The following CNTNAP2 variants were observed in gnomAD, a reference collection of about 807,000 sequenced individuals.
The protein encoded by CNTNAP2 is contactin-associated protein-like 2.
CNTNAP2 carries 98 observed loss-of-function variants against 155.2 expected under a neutral mutation model. That is an observed-to-expected ratio of 0.63 (90% CI 0.54 to 0.75). CNTNAP2 has a LOEUF of 0.75. CNTNAP2 is among the 30% of genes least tolerant of loss of function. The pLI is 0.00. For synonymous variants in CNTNAP2, 651 were observed against 631.2 expected, an observed-to-expected ratio of 1.03 and a Z score of -0.47; for missense variants, 1,727 against 1,688.1, an observed-to-expected ratio of 1.02 and a Z score of -0.40.
intron 15 of CNTNAP2, among the ~76,000 whole-genome samples, chr7:148,089,402 A>T (rs1474395404): frequency 6.6e-6 from 1 of 152,030 alleles, no homozygotes; most frequent in African/African-American, 2.4e-5. Context: ...TATGTAGTAA[A>T]TCATAAAGAC....
At chr7:148,202,196 C>G (rs771493016) in intron 18 of CNTNAP2, among the ~76,000 whole-genome samples, 1 of 152,128 alleles carries the variant, frequency 6.6e-6, no homozygotes, top group Non-Finnish European at 1.5e-5. Flanking sequence ...TTACAGTTCC[C>G]CTTGTGACAA....
chr7:146,216,880 G>A (rs570862047), intron 1 of CNTNAP2, among the ~76,000 whole-genome samples: 7 of 152,216 alleles, frequency 4.6e-5, no homozygotes, highest in Admixed American at 3.9e-4. Flanking sequence ...AAATTTGGTC[G>A]GTGATGAGTC....
At chr7:146,751,682 A>G (rs1801906104) in intron 1 of CNTNAP2, among the ~76,000 whole-genome samples, 3 of 152,078 alleles carry the variant, frequency 2.0e-5, no homozygotes. Context: ...ACAGTTATAC[A>G]TGTGCCATGG....
At chr7:147,551,473 A>G (rs1201468112) in intron 11 of CNTNAP2, among the ~76,000 whole-genome samples, 1 of 152,180 alleles carries the variant, frequency 6.6e-6, no homozygotes, top group Non-Finnish European at 1.5e-5. Context: ...TCATTATTTG[A>G]TTCTGATTCT....
chr7:147,286,233 A>C (rs1805171310), intron 8 of CNTNAP2, among the ~76,000 whole-genome samples: 1 of 152,080 alleles, frequency 6.6e-6, no homozygotes, highest in African/African-American at 2.4e-5. Flanking sequence ...TATTACATTT[A>C]TCTGAAACAT....
At chr7:146,484,146 T>A (rs1264956066) in intron 1 of CNTNAP2, among the ~76,000 whole-genome samples, 1 of 152,252 alleles carries the variant, frequency 6.6e-6, no homozygotes, top group Non-Finnish European at 1.5e-5. Flanking sequence ...AGTAACATGC[T>A]GTACAAGTTT....
At chr7:147,245,450 G>A (rs1346547778) in intron 8 of CNTNAP2, among the ~76,000 whole-genome samples, 2 of 151,906 alleles carry the variant, frequency 1.3e-5, no homozygotes, top group East Asian at 1.9e-4. Flanking sequence ...GTTTCATCCC[G>A]GGTTGGTCCA....
chr7:147,935,088 T>C (rs922986119), intron 14 of CNTNAP2, among the ~76,000 whole-genome samples: 6 of 150,152 alleles, frequency 4.0e-5, no homozygotes, highest in South Asian at 2.2e-4. Context: ...TAATGCAAAG[T>C]TTTTTGTTTT....
At chr7:147,344,258 G>A (rs7788649) in intron 9 of CNTNAP2, among the ~76,000 whole-genome samples, 24,136 of 152,048 alleles carry the variant, frequency 0.16, 2,023 homozygotes, top group Middle Eastern at 0.18. Context: ...TTCTACCCAC[G>A]CAGCTCTGTT....
At position 147,167,318 on chromosome 7, in the gene CNTNAP2, G is replaced by T. The variant is rs1047633405; in HGVS notation, c.1348+34809G>T. On this transcript the variant is annotated intron_variant, in intron 8 of 23. Coordinates refer to ENST00000361727, the MANE Select transcript of CNTNAP2 (RefSeq NM_014141.6). ...TCACTGTAAACTTCTTGACAAGATG[G>T]TGCTATTATAACACTGACTGTTTCT... 6.2e-6 allele frequency: 3 copies of T among 480,064 alleles called. No individual in the cohort carries two copies. The East Asian group carries it at 1.0e-4, about 17-fold the overall frequency. 29.7% of individuals were successfully genotyped at this position (480,064 alleles called of 1,614,324 possible).
At chr7:147,066,391 C>T (rs1047910196) in intron 4 of CNTNAP2, among the ~76,000 whole-genome samples, 9 of 152,204 alleles carry the variant, frequency 5.9e-5, no homozygotes, top group Non-Finnish European at 7.3e-5. Flanking sequence ...GGCTTCTCCA[C>T]GCTCATGGTT....
chr7:147,984,419 G>A (rs1250768888), intron 15 of CNTNAP2, among the ~76,000 whole-genome samples: 3 of 152,130 alleles, frequency 2.0e-5, no homozygotes, highest in East Asian at 1.9e-4. Context: ...GTACTGATGA[G>A]GAAACAGAAA....
At chr7:147,278,009 G>A (rs982411065) in intron 8 of CNTNAP2, among the ~76,000 whole-genome samples, 1 of 151,070 alleles carries the variant, frequency 6.6e-6, no homozygotes, top group Non-Finnish European at 1.5e-5. Flanking sequence ...TAATCCACTT[G>A]CTCATTCAGC....
chr7:146,721,889 A>ATATATATTTT lies in CNTNAP2; in HGVS notation c.98-52381_98-52380insATATATTTTT. Among the ~76,000 whole-genome samples, 7 of 69,738 alleles carry ATATATATTTT rather than the reference A, an allele frequency of 1.0e-4. 3 individuals carry two copies. In the African/African-American group the frequency reaches 1.1e-3, roughly 11 times the overall value. The allele number at this position is 69,738 out of a possible 152,430, so 45.8% of individuals were successfully genotyped here. A position where few individuals can be genotyped will look rare whatever the true frequency, so the allele number is the denominator to read the frequency against. On this transcript the variant is annotated intron_variant, in intron 1 of 23. Coordinates refer to ENST00000361727, the MANE Select transcript of CNTNAP2 (RefSeq NM_014141.6). The stretch of plus-strand genomic sequence containing the variant: ...TGTGTGTGTGTGTATATATATATAT[A>ATATATATTTT]TTTTTTTTTTTTTTTTTGAGATGGA...
chr7:147,497,353 A>C (rs1798727496), intron 11 of CNTNAP2, among the ~76,000 whole-genome samples: 1 of 152,152 alleles, frequency 6.6e-6, no homozygotes, highest in Non-Finnish European at 1.5e-5. Flanking sequence ...TGCCACCACC[A>C]AATGCCAGAC....
chr7:146,878,551 G>A (rs552773619), intron 3 of CNTNAP2, among the ~76,000 whole-genome samples: 1 of 151,900 alleles, frequency 6.6e-6, no homozygotes, highest in South Asian at 2.1e-4. Context: ...TAAAGCAGAC[G>A]CTGTCATTCT....
chr7:147,900,638 A>G (rs1303793592), intron 13 of CNTNAP2, among the ~76,000 whole-genome samples: 1 of 151,786 alleles, frequency 6.6e-6, no homozygotes, highest in East Asian at 1.9e-4. Flanking sequence ...TGTTTTTGAG[A>G]CAGAGTCTCG....
chr7:147,688,232 A>T (rs576771098), intron 13 of CNTNAP2, among the ~76,000 whole-genome samples: 5 of 152,192 alleles, frequency 3.3e-5, no homozygotes, highest in Non-Finnish European at 7.3e-5. Flanking sequence ...TAAAGAGAGA[A>T]ATTGTAGAAG....
intron 3 of CNTNAP2, among the ~76,000 whole-genome samples, chr7:146,910,811 T>G (rs956119897): frequency 3.4e-5 from 5 of 148,230 alleles, no homozygotes; most frequent in African/African-American, 1.3e-4. Context: ...AAATGGGATC[T>G]AATTAAACTA....
Sources: gnomAD v4.1 joint callset for allele counts (sites outside exome capture counted in the v4.1 genomes callset) on GRCh38, gnomAD v4.1.1 for gene constraint, MANE v1.5 for transcripts, NCBI Gene and HGNC (gene_info 2026-07-23, HGNC 2026-07-21) for gene names.